ATF7: variants seen among roughly 807,000 people sequenced by gnomAD.
ATF7 encodes cyclic AMP-dependent transcription factor ATF-7.
A neutral mutation model predicts 50.4 loss-of-function variants in ATF7; 10 were observed. That is an observed-to-expected ratio of 0.20 (90% CI 0.12 to 0.34). ATF7 has a LOEUF of 0.34. Ranked by LOEUF, ATF7 falls within the 10% of genes least tolerant of loss-of-function variation. ATF7 has a pLI of 1.00. For missense variants in ATF7, 465 were observed against 613.9 expected, an observed-to-expected ratio of 0.76 and a Z score of 2.56; for synonymous variants, 201 against 226.4, an observed-to-expected ratio of 0.89 and a Z score of 1.01.
In ATF7 at chr12:53,524,450, G is replaced by C; in HGVS notation, c.1125+114C>G. 1 of 1,193,120 alleles carries C rather than the reference G, an allele frequency of 8.4e-7. No individual in the cohort carries two copies. The highest frequency in any genetic ancestry group is 1.2e-6 in the Non-Finnish European group (1 of 846,800). The allele number at this position is 1,193,120 out of a possible 1,614,324, so 73.9% of individuals were successfully genotyped here. A position where few individuals can be genotyped will look rare whatever the true frequency, so the allele number is the denominator to read the frequency against. On this transcript the variant is annotated intron_variant, in intron 10 of 11. Coordinates refer to ENST00000420353, the MANE Select transcript of ATF7 (RefSeq NM_006856.3). This position sits in a 1 kb window ranked among gnomAD's most constrained non-coding sequence, Gnocchi z 4.6. ...TAAGAGATTCTTCATGGGACAACTA[G>C]ATCTGTCCTAATTAGAGAATTACCA...
At chr12:53,533,102 G>T in intron 7 of ATF7, 58 bp downstream of exon 7, 1 of 1,435,644 alleles carries the variant, frequency 7.0e-7, no homozygotes, top group Non-Finnish European at 9.8e-7. Context: ...TGACCATTCA[G>T]GTGGAAGGGA....
At chr12:53,572,368 G>A (rs1451891745) in intron 2 of ATF7, among the ~76,000 whole-genome samples, 1 of 152,170 alleles carries the variant, frequency 6.6e-6, no homozygotes, top group East Asian at 1.9e-4. Flanking sequence ...TGACAATCAA[G>A]TGCCAGGGGA....
Position 53,515,303 on chromosome 12 carries a change from C to T in ATF7, c.*1834G>A, listed in dbSNP as rs1218744276. ...GAAACGGGAATCTTGTAGCTTAGAACATTTTCTCATTCCCCTGTGACAGTC... is the reference window on the plus strand; with the variant it reads ...GAAACGGGAATCTTGTAGCTTAGAATATTTTCTCATTCCCCTGTGACAGTC... On this transcript the variant is annotated 3_prime_UTR_variant, in exon 12 of 12. Transcript: ENST00000420353. The T allele has an allele frequency of 6.6e-6, 1 of 152,188 alleles. No individual in the cohort carries two copies. The highest frequency in any genetic ancestry group is 6.5e-5 in the Admixed American group (1 of 15,282). 9.4% of individuals were successfully genotyped at this position (152,188 alleles called of 1,614,324 possible). A position where few individuals can be genotyped will look rare whatever the true frequency, so the allele number is the denominator to read the frequency against.
intron 2 of ATF7, among the ~76,000 whole-genome samples, chr12:53,580,751 A>G (rs988016027): frequency 1.3e-5 from 2 of 152,060 alleles, no homozygotes; most frequent in African/African-American, 4.8e-5. Flanking sequence ...TTAGAAAGAA[A>G]GATATCAGGA....
chr12:53,611,368 G>A (rs1943872340), intron 1 of ATF7, among the ~76,000 whole-genome samples: 2 of 151,964 alleles, frequency 1.3e-5, no homozygotes, highest in South Asian at 2.1e-4. Context: ...CAGGAGAATC[G>A]CTCAAACCAG....
chr12:53,542,241 C>T (rs1409267964), intron 4 of ATF7, among the ~76,000 whole-genome samples: 1 of 150,326 alleles, frequency 6.7e-6, no homozygotes, highest in African/African-American at 2.4e-5. Flanking sequence ...CTGGCTAACA[C>T]GGTGAAACCC....
chr12:53,534,789 T>G, intron 5 of ATF7, 130 bp from the exon 6 acceptor site: 11 of 1,039,404 alleles, frequency 1.1e-5, no homozygotes, highest in South Asian at 1.6e-5. Flanking sequence ...ATGACCTGAT[T>G]CCATCAGGAT....
chr12:53,549,907 G>A (rs1379256144), intron 3 of ATF7, among the ~76,000 whole-genome samples: 3 of 152,026 alleles, frequency 2.0e-5, no homozygotes, highest in East Asian at 1.9e-4. Context: ...TAGTAGAGAC[G>A]GGGTTTCACC....
chr12:53,562,532 A>G (rs1941192870), intron 2 of ATF7, among the ~76,000 whole-genome samples: 2 of 151,864 alleles, frequency 1.3e-5, no homozygotes, highest in Admixed American at 1.3e-4. Flanking sequence ...AATCCCAGCT[A>G]CTCGGGAGGC....
chr12:53,541,777 C>T (rs1325506608), intron 4 of ATF7, among the ~76,000 whole-genome samples: 1 of 152,120 alleles, frequency 6.6e-6, no homozygotes, highest in African/African-American at 2.4e-5. Flanking sequence ...TCTTGAAGAT[C>T]GCAATTTGTT....
In ATF7 at chr12:53,576,270, C is replaced by T. The variant is rs145554593; in HGVS notation, c.49-23633G>A. 1.8e-3 allele frequency among the ~76,000 whole-genome samples: 275 copies of T among 152,266 alleles called. 2 individuals are homozygous for T. Among genetic ancestry groups the T allele is most frequent in the African/African-American group, 6.1e-3 (253 of 41,552 alleles). On this transcript the variant is annotated intron_variant, in intron 2 of 11. Transcript: ENST00000420353. The stretch of plus-strand genomic sequence containing the variant: ...TGAGAGCCTCACCAACCTCCTTAGA[C>T]GGCACAGCAGTCTAGGACCCCTCCA...
intron 9 of ATF7, among the ~76,000 whole-genome samples, chr12:53,528,641 T>C (rs190428402): frequency 1.3e-5 from 2 of 152,224 alleles, no homozygotes; most frequent in East Asian, 3.9e-4. Context: ...TGGTTGCCTG[T>C]AATCCCAGCT....
rs1939694204 is a variant in ATF7, at chr12:53,543,459, G to A, written c.146-11C>T. ...GAGTAGGCGTTTGATCTGTAGACAT[G>A]AAAGAAAAGGAAACTGTTTTAGTTT... On this transcript the variant is annotated splice_polypyrimidine_tract_variant and intron_variant, in intron 3 of 11. Coordinates refer to ENST00000420353, the MANE Select transcript of ATF7 (RefSeq NM_006856.3). The A allele has an allele frequency of 6.4e-7, 1 of 1,558,184 alleles. No homozygotes were observed. Among genetic ancestry groups the A allele is most frequent in the African/African-American group, 1.4e-5 (1 of 73,240 alleles).
At chr12:53,604,331 C>G (rs553224760) in intron 1 of ATF7, among the ~76,000 whole-genome samples, 1 of 151,982 alleles carries the variant, frequency 6.6e-6, no homozygotes, top group African/African-American at 2.4e-5. Flanking sequence ...TGGGAGAGAA[C>G]TGAAGAAAAC....
chr12:53,609,627 T>C (rs969292087), intron 1 of ATF7, among the ~76,000 whole-genome samples: 11 of 149,162 alleles, frequency 7.4e-5, no homozygotes, highest in Middle Eastern at 3.4e-3. Context: ...GCCTGGGTGA[T>C]AGACTGGGAC....
At chr12:53,534,698 G>C in intron 5 of ATF7, 39 bp from the exon 6 acceptor site, 1 of 1,597,820 alleles carries the variant, frequency 6.3e-7, no homozygotes, top group Non-Finnish European at 8.5e-7. Flanking sequence ...AATGTTTTAA[G>C]GTGTGCTTAT....
In ATF7 at chr12:53,517,101, G is replaced by A. The variant is rs779416656; in HGVS notation, c.*36C>T. On this transcript the variant is annotated 3_prime_UTR_variant, in exon 12 of 12. Transcript: ENST00000420353. ...CATCTCTCTTGGCTCTTGGGCGGGCGAGCTCTGGCTGAGGACCTCTCCACC... is the reference window on the plus strand; with the variant it reads ...CATCTCTCTTGGCTCTTGGGCGGGCAAGCTCTGGCTGAGGACCTCTCCACC... The A allele has an allele frequency of 8.1e-6, 13 of 1,598,938 alleles. No individual in the cohort carries two copies. Among genetic ancestry groups the A allele is most frequent in the African/African-American group, 2.7e-5 (2 of 74,814 alleles).
Position 53,524,914 on chromosome 12 carries a change from C to G in ATF7, c.928-153G>C. ...CTCATTACTATGTCCCCAAGCTTCC[C>G]TTTTGTAGGAGTCCTCAATTTTGCC... On this transcript the variant is annotated intron_variant, in intron 9 of 11. Transcript: ENST00000420353. The surrounding 1 kb of genome is among the most constrained non-coding windows in gnomAD (Gnocchi z 4.6). 1 of 722,348 alleles carries G rather than the reference C, an allele frequency of 1.4e-6. No individual in the cohort carries two copies. Among genetic ancestry groups the G allele is most frequent in the Non-Finnish European group, 2.1e-6 (1 of 466,786 alleles). The allele number at this position is 722,348 out of a possible 1,614,324, so 44.7% of individuals were successfully genotyped here. A position where few individuals can be genotyped will look rare whatever the true frequency, so the allele number is the denominator to read the frequency against.
chr12:53,573,772 T>C (rs1436517376), intron 2 of ATF7, among the ~76,000 whole-genome samples: 1 of 152,176 alleles, frequency 6.6e-6, no homozygotes, highest in Non-Finnish European at 1.5e-5. Flanking sequence ...GAGCCTAACC[T>C]GCTGCGGTTT....
Sources: gnomAD v4.1 joint callset for allele counts (sites outside exome capture counted in the v4.1 genomes callset) on GRCh38, gnomAD v4.1.1 for gene constraint, Gnocchi (gnomAD v3.1) non-coding constraint, MANE v1.5 for transcripts, NCBI Gene and HGNC (gene_info 2026-07-23, HGNC 2026-07-21) for gene names.